The following ATP6V1H variants were observed in gnomAD, a reference collection of about 807,000 sequenced individuals.
ATP6V1H encodes V-type proton ATPase subunit H.
Under a neutral mutation model 71.7 loss-of-function variants are expected in ATP6V1H, and 39 were observed. The observed-to-expected ratio is 0.54, with a 90% CI of 0.42 to 0.71. ATP6V1H has a LOEUF of 0.71. Among genes scored for constraint, ATP6V1H ranks in the 30% least tolerant of loss-of-function variants. The probability of loss-of-function intolerance (pLI) is 0.00; values close to 1 mark genes in which losing one functional copy is unlikely to be tolerated. For missense variants in ATP6V1H, 509 were observed against 594.9 expected (o/e 0.86, Z 1.50); for synonymous variants, 192 against 199.3 (o/e 0.96, Z 0.31).
At chr8:53,756,532 T>C (rs769678402) in intron 12 of ATP6V1H, 23 bp downstream of exon 12, 3 of 1,595,862 alleles carry the variant, frequency 1.9e-6, no homozygotes, top group Admixed American at 3.4e-5. Context: ...AGAAACCAAA[T>C]GAAATGAATG....
intron 12 of ATP6V1H, among the ~76,000 whole-genome samples, chr8:53,750,806 TC>T (rs1401365451): frequency 6.6e-6 from 1 of 150,706 alleles, no homozygotes; most frequent in African/African-American, 2.4e-5. Context: ...ATGTGAAAAA[TC>T]CCATGATAAC....
intron 4 of ATP6V1H, among the ~76,000 whole-genome samples, chr8:53,828,866 A>G (rs1810905723): frequency 6.6e-6 from 1 of 152,212 alleles, no homozygotes; most frequent in African/African-American, 2.4e-5. Context: ...ACTGCTCTAC[A>G]TACCAACCAT....
intron 5 of ATP6V1H, 32 bp downstream of exon 5, chr8:53,817,385 T>TA (rs1563480297): frequency 1.3e-6 from 2 of 1,498,276 alleles, no homozygotes; most frequent in South Asian, 1.2e-5. Flanking sequence ...AAAAAAATTT[T>TA]AAAAAAAGAA....
chr8:53,737,537 T>A (rs1226482304), intron 13 of ATP6V1H, among the ~76,000 whole-genome samples: 1 of 152,140 alleles, frequency 6.6e-6, no homozygotes, highest in Non-Finnish European at 1.5e-5. Flanking sequence ...TTAAGGAAAA[T>A]AAGGCAAGAA....
At chr8:53,834,912 T>C (rs1177971930) in intron 2 of ATP6V1H, among the ~76,000 whole-genome samples, 2 of 152,016 alleles carry the variant, frequency 1.3e-5, no homozygotes, top group African/African-American at 4.8e-5. Context: ...GAGGCCAAGA[T>C]GGGGGGACCC....
chr8:53,837,464 T>C (rs1181961847), intron 2 of ATP6V1H, among the ~76,000 whole-genome samples: 2 of 149,608 alleles, frequency 1.3e-5, no homozygotes, highest in South Asian at 2.1e-4. Context: ...CACACACACA[T>C]GTTATAATGC....
At chr8:53,718,020 T>C (rs924087407) in intron 13 of ATP6V1H, among the ~76,000 whole-genome samples, 1 of 152,170 alleles carries the variant, frequency 6.6e-6, no homozygotes, top group Non-Finnish European at 1.5e-5. Context: ...AATAAGAATG[T>C]ATGGGAAAGC....
At chr8:53,745,800 T>C (rs6999454) in intron 12 of ATP6V1H, among the ~76,000 whole-genome samples, 24,835 of 152,024 alleles carry the variant, frequency 0.16, 3,260 homozygotes, top group East Asian at 0.37. Flanking sequence ...AGAGACAACA[T>C]GGGATGGCAG....
At position 53,801,790 on chromosome 8, in the gene ATP6V1H, G is replaced by A. The variant is rs748734482; in HGVS notation, c.677+9C>T. 5.0e-6 allele frequency: 8 copies of A among 1,608,186 alleles called. No homozygotes were observed. The highest frequency in any genetic ancestry group is 1.6e-4 in the Middle Eastern group (1 of 6,064). The stretch of plus-strand genomic sequence containing the variant: ...ATGTTATTTTACATTAAAAGGAAAG[G>A]GCACTCACCAATTTACCCCATCTGC... On this transcript the variant is annotated intron_variant, in intron 8 of 13. Transcript: ENST00000359530.
chr8:53,734,869 G>A (rs915087425), intron 13 of ATP6V1H, among the ~76,000 whole-genome samples: 1 of 152,096 alleles, frequency 6.6e-6, no homozygotes, highest in Admixed American at 6.5e-5. Context: ...GACAGAAGGA[G>A]GACAAATAAT....
In ATP6V1H at chr8:53,725,154, C is replaced by G. The variant is rs796595655; in HGVS notation, c.1392-9130G>C. Among the ~76,000 whole-genome samples the G allele has an allele frequency of 2.0e-5, 3 of 152,234 alleles. 1 individual carries two copies. The highest frequency in any genetic ancestry group is 7.2e-5 in the African/African-American group (3 of 41,550). On this transcript the variant is annotated intron_variant, in intron 13 of 13. Transcript: ENST00000359530. The stretch of plus-strand genomic sequence containing the variant: ...AAGAGGTGACTGGGTCATGAGAGCT[C>G]TGCCCTCATGATCGGATTAATCCAT...
intron 13 of ATP6V1H, among the ~76,000 whole-genome samples, chr8:53,725,111 T>C (rs567978700): frequency 1.3e-5 from 2 of 152,292 alleles, no homozygotes; most frequent in East Asian, 1.9e-4. Flanking sequence ...TGTGGGAGTA[T>C]TGAGAGGAGG....
At chr8:53,728,072 T>TC (rs1563438181) in intron 13 of ATP6V1H, among the ~76,000 whole-genome samples, 1 of 152,256 alleles carries the variant, frequency 6.6e-6, no homozygotes, top group African/African-American at 2.4e-5. Flanking sequence ...CCACCTGGTT[T>TC]CCTTGCCTTT....
intron 8 of ATP6V1H, among the ~76,000 whole-genome samples, chr8:53,796,513 TA>T (rs10708370): frequency 0.18 from 25,503 of 141,966 alleles, 3,497 homozygotes; most frequent in East Asian, 0.38. Flanking sequence ...AATCATCAAA[TA>T]AAAAAAAAAA....
intron 9 of ATP6V1H, among the ~76,000 whole-genome samples, chr8:53,794,106 C>T (rs567630428): frequency 6.6e-6 from 1 of 152,126 alleles, no homozygotes; most frequent in Admixed American, 6.5e-5. Flanking sequence ...TAGCTCTACA[C>T]CAACACAGCG....
Position 53,817,364 on chromosome 8 carries a change from C to CCTCT in ATP6V1H, c.420+49_420+52dup. 6 of 1,245,310 alleles carry CCTCT rather than the reference C, an allele frequency of 4.8e-6. No individual in the cohort carries two copies. In the South Asian group the frequency reaches 7.8e-5, roughly 16 times the overall value. The allele number at this position is 1,245,310 out of a possible 1,614,324, so 77.1% of individuals were successfully genotyped here. A position where few individuals can be genotyped will look rare whatever the true frequency, so the allele number is the denominator to read the frequency against. On this transcript the variant is annotated intron_variant, in intron 5 of 13. Coordinates refer to ENST00000359530, the MANE Select transcript of ATP6V1H (RefSeq NM_015941.4). ...ACCAGCCTGGACAACATAGTGAGAC[C>CCTCT]CTCTCTCTTTAAAAAAATTTTAAAA...
chr8:53,798,610 A>AACACACACACAC (rs59831761), intron 8 of ATP6V1H, among the ~76,000 whole-genome samples: 15 of 148,566 alleles, frequency 1.0e-4, no homozygotes, highest in South Asian at 8.5e-4. Flanking sequence ...CAATGTGAGA[A>AACACACACACAC]ACACACACAC....
At chr8:53,775,417 C>T (rs976947643) in intron 9 of ATP6V1H, among the ~76,000 whole-genome samples, 2 of 152,228 alleles carry the variant, frequency 1.3e-5, no homozygotes, top group Non-Finnish European at 2.9e-5. Flanking sequence ...TATCTGGCCC[C>T]ACCCACATCC....
chr8:53,827,601 A>G (rs1810865296), intron 4 of ATP6V1H, among the ~76,000 whole-genome samples: 1 of 152,056 alleles, frequency 6.6e-6, no homozygotes, highest in African/African-American at 2.4e-5. Context: ...TTTTGTGTGT[A>G]TGTGTTTTTT....
Sources: allele counts gnomAD v4.1 joint callset (sites outside exome capture counted in the v4.1 genomes callset), GRCh38; gene constraint gnomAD v4.1.1; transcripts MANE v1.5; gene names NCBI Gene and HGNC (gene_info 2026-07-23, HGNC 2026-07-21).